The following RHAG variants were observed in gnomAD, a reference collection of about 807,000 sequenced individuals.
RHAG encodes the protein ammonium transporter Rh type A.
In RHAG, 25 loss-of-function variants were observed where a neutral mutation model predicts 42.4. That is an observed-to-expected ratio of 0.59 (90% CI 0.43 to 0.82). The LOEUF is 0.82. Ranked by LOEUF, RHAG falls within the 40% of genes least tolerant of loss-of-function variation. RHAG has a pLI of 0.00. For missense variants in RHAG, 483 were observed against 504.6 expected, an observed-to-expected ratio of 0.96 and a Z score of 0.41; for synonymous variants, 182 against 177.7, an observed-to-expected ratio of 1.02 and a Z score of -0.19.
Position 49,605,375 on chromosome 6 carries a change from A to G in RHAG, c.*438T>C. On this transcript the variant is annotated 3_prime_UTR_variant, in exon 10 of 10. Coordinates refer to ENST00000371175, the MANE Select transcript of RHAG (RefSeq NM_000324.3). ...ATCATCATATTACTACTTTACACAC[A>G]TGCATTTCTTTAATTATTTTTTTAC... The G allele has an allele frequency of 4.5e-6, 1 of 220,938 alleles. No homozygotes were observed. The highest frequency in any genetic ancestry group is 9.2e-6 in the Non-Finnish European group (1 of 109,022). The allele number at this position is 220,938 out of a possible 1,614,324, so 13.7% of individuals were successfully genotyped here.
intron 7 of RHAG, among the ~76,000 whole-genome samples, chr6:49,609,507 G>T (rs1171969441): frequency 6.6e-6 from 1 of 152,152 alleles, no homozygotes; most frequent in Non-Finnish European, 1.5e-5. Flanking sequence ...ATTCACACAG[G>T]CTTTTATCAT....
At chr6:49,622,565 A>G (rs1362364292) in intron 1 of RHAG, among the ~76,000 whole-genome samples, 4 of 152,028 alleles carry the variant, frequency 2.6e-5, no homozygotes, top group African/African-American at 9.7e-5. Flanking sequence ...TTGCCTCCTG[A>G]CACACCATGA....
At chr6:49,607,581 A>G (rs1018828182) in intron 7 of RHAG, among the ~76,000 whole-genome samples, 2 of 152,258 alleles carry the variant, frequency 1.3e-5, no homozygotes, top group African/African-American at 4.8e-5. Context: ...AACAGAGGAT[A>G]GAGTAATACA....
chr6:49,629,846 G>A (rs377691448), intron 1 of RHAG, among the ~76,000 whole-genome samples: 1 of 93,742 alleles, frequency 1.1e-5, no homozygotes, highest in Admixed American at 9.4e-5. Flanking sequence ...CTCCGAGTGC[G>A]GGGCCCGCCA....
At chr6:49,622,452 C>A (rs946404639) in intron 1 of RHAG, among the ~76,000 whole-genome samples, 1 of 152,066 alleles carries the variant, frequency 6.6e-6, no homozygotes, top group Non-Finnish European at 1.5e-5. Flanking sequence ...CCTTGTGATC[C>A]ACCCTCCTTG....
intron 5 of RHAG, among the ~76,000 whole-genome samples, chr6:49,613,120 A>T (rs1562013390): frequency 1.4e-5 from 2 of 145,996 alleles, no homozygotes; most frequent in Admixed American, 7.0e-5. Context: ...CCCAGGCTGG[A>T]GTGCAGCAGC....
intron 1 of RHAG, among the ~76,000 whole-genome samples, chr6:49,634,956 CTGTGTGTG>C (rs72452277): frequency 7.7e-6 from 1 of 129,642 alleles, no homozygotes; most frequent in Non-Finnish European, 1.6e-5. Context: ...GTGTGTACAC[CTGTGTGTG>C]TGTGTGTGTG....
At chr6:49,620,331 G>T (rs538764728) in intron 1 of RHAG, among the ~76,000 whole-genome samples, 10 of 152,254 alleles carry the variant, frequency 6.6e-5, no homozygotes, top group African/African-American at 2.4e-4. Flanking sequence ...ATGATCAAAT[G>T]CAAGATAGTG....
rs914347982 is a variant in RHAG, at chr6:49,605,452, T to G, written c.*361A>C. The G allele has an allele frequency of 1.4e-5, 4 of 279,102 alleles. No individual in the cohort carries two copies. Among genetic ancestry groups the G allele is most frequent in the East Asian group, 7.4e-5 (1 of 13,526 alleles). 17.3% of individuals were successfully genotyped at this position (279,102 alleles called of 1,614,324 possible). ...TCATGGGTTTCAGTTTTATAATTTT[T>G]GGGATTGAAGACATAGTGTCTACAT... On this transcript the variant is annotated 3_prime_UTR_variant, in exon 10 of 10. Coordinates refer to ENST00000371175, the MANE Select transcript of RHAG (RefSeq NM_000324.3).
At chr6:49,628,757 T>G (rs1479735806) in intron 1 of RHAG, among the ~76,000 whole-genome samples, 1 of 151,508 alleles carries the variant, frequency 6.6e-6, no homozygotes, top group Non-Finnish European at 1.5e-5. Flanking sequence ...TCTCGAGTTG[T>G]TCGTTCCTCC....
chr6:49,605,497 C>T lies in RHAG; in HGVS notation c.*316G>A. 2.4e-6 allele frequency: 1 copy of T among 411,206 alleles called. No homozygotes were observed. Among genetic ancestry groups the T allele is most frequent in the Non-Finnish European group, 4.5e-6 (1 of 221,758 alleles). 25.5% of individuals were successfully genotyped at this position (411,206 alleles called of 1,614,324 possible). Reference sequence around the variant, plus strand: ...CTACATTAAGAAACTGACATGTTTACTCTGTATTTACTCACTGCCAAAAGC... The same window carrying T: ...CTACATTAAGAAACTGACATGTTTATTCTGTATTTACTCACTGCCAAAAGC... On this transcript the variant is annotated 3_prime_UTR_variant, in exon 10 of 10. Coordinates refer to ENST00000371175, the MANE Select transcript of RHAG (RefSeq NM_000324.3).
In RHAG at chr6:49,605,635, T is replaced by C; in HGVS notation, c.*178A>G. On this transcript the variant is annotated 3_prime_UTR_variant, in exon 10 of 10. Transcript: ENST00000371175. ...ATCAGACATAAGGACATTTTTACAC[T>C]GGCCATTTGGGACTTAGGATCTATT... 1.4e-6 allele frequency: 1 copy of C among 709,820 alleles called. No homozygotes were observed. Among genetic ancestry groups the C allele is most frequent in the Non-Finnish European group, 2.6e-6 (1 of 381,784 alleles). 44.0% of individuals were successfully genotyped at this position (709,820 alleles called of 1,614,324 possible). A position where few individuals can be genotyped will look rare whatever the true frequency, so the allele number is the denominator to read the frequency against.
chr6:49,623,002 A>T (rs1762789405), intron 1 of RHAG, among the ~76,000 whole-genome samples: 1 of 148,386 alleles, frequency 6.7e-6, no homozygotes, highest in Non-Finnish European at 1.5e-5. Flanking sequence ...CGCCTGGCTA[A>T]TTTTTTTTGT....
intron 1 of RHAG, among the ~76,000 whole-genome samples, chr6:49,622,847 T>C (rs1159503629): frequency 6.6e-6 from 1 of 150,618 alleles, no homozygotes; most frequent in Non-Finnish European, 1.5e-5. Context: ...TTTTTTTGTT[T>C]TGTTTTGAGA....
chr6:49,611,245 A>G lies in RHAG; in HGVS notation c.946-100T>C, dbSNP rs79391332. On this transcript the variant is annotated intron_variant, in intron 6 of 9. Coordinates refer to ENST00000371175, the MANE Select transcript of RHAG (RefSeq NM_000324.3). ...CTGGGCTCTATTCTTCCATGGAGAA[A>G]AAGTATTTTATAAATAATTTTTATG... is the stretch of plus-strand genomic sequence containing the variant. The G allele has an allele frequency of 0.036, 32,103 of 900,370 alleles. 969 individuals carry two copies. Among genetic ancestry groups the G allele is most frequent in the African/African-American group, 0.099 (5,838 of 58,752 alleles). 55.8% of individuals were successfully genotyped at this position (900,370 alleles called of 1,614,324 possible).
intron 1 of RHAG, among the ~76,000 whole-genome samples, chr6:49,627,923 G>A (rs1172412202): frequency 6.6e-6 from 1 of 152,076 alleles, no homozygotes; most frequent in East Asian, 1.9e-4. Flanking sequence ...AATTCAAGAT[G>A]AGATTTGGTT....
intron 3 of RHAG, among the ~76,000 whole-genome samples, chr6:49,616,380 C>A (rs62412396): frequency 0.049 from 6,941 of 141,702 alleles, 248 homozygotes; most frequent in South Asian, 0.11. Flanking sequence ...AAAAAAGATA[C>A]TGCTTGCGAT....
rs563241691 is a variant in RHAG at position 49,618,881 on chromosome 6, G to T, written c.341+298C>A. On this transcript the variant is annotated intron_variant, in intron 2 of 9. Transcript: ENST00000371175. ...TAAATAACAGAAATCTATTTCTTAT[G>T]GTTCTGGAGGCTGGGAAGCCCAAGA... Among the ~76,000 whole-genome samples, 12 of 152,246 alleles carry T rather than the reference G, an allele frequency of 7.9e-5. No individual in the cohort carries two copies. In the South Asian group the frequency reaches 2.1e-3, roughly 26 times the overall value.
intron 7 of RHAG, among the ~76,000 whole-genome samples, chr6:49,609,333 A>C (rs1359872730): frequency 6.6e-6 from 1 of 152,086 alleles, no homozygotes; most frequent in African/African-American, 2.4e-5. Context: ...GACTTAACCA[A>C]TGTCTGACCT....
Sources: allele counts gnomAD v4.1 joint callset (sites outside exome capture counted in the v4.1 genomes callset), GRCh38; gene constraint gnomAD v4.1.1; transcripts MANE v1.5; gene names NCBI Gene and HGNC (gene_info 2026-07-23, HGNC 2026-07-21).